Variants in FGGY observed in about 807,000 individuals in gnomAD.
FGGY encodes the protein FGGY carbohydrate kinase domain containing, also known as FGGY carbohydrate kinase domain-containing protein.
In FGGY, 72 loss-of-function variants were observed where a neutral mutation model predicts 71.3. The observed-to-expected ratio is 1.01, with a 90% CI of 0.84 to 1.23. The LOEUF is 1.23. Among genes scored for constraint, FGGY ranks in the 50% most tolerant of loss-of-function variants. FGGY has a pLI of 0.00. For synonymous variants in FGGY, 251 were observed against 250.3 expected, an observed-to-expected ratio of 1.00 and a Z score of -0.02; for missense variants, 668 against 682.3, an observed-to-expected ratio of 0.98 and a Z score of 0.23.
intron 6 of FGGY, among the ~76,000 whole-genome samples, chr1:59,500,916 G>C (rs1019989175): frequency 5.3e-5 from 8 of 152,164 alleles, no homozygotes; most frequent in Admixed American, 4.6e-4. Context: ...ATGCAAGTAA[G>C]ACATCTGGTT....
intron 5 of FGGY, 106 bp from the exon 6 acceptor site, chr1:59,456,855 C>T: frequency 4.4e-6 from 3 of 683,264 alleles, no homozygotes; most frequent in Non-Finnish European, 7.7e-6. Context: ...CTGGCTTATT[C>T]CACTTCTTTA....
At chr1:59,722,137 G>A (rs1480259603) in intron 14 of FGGY, among the ~76,000 whole-genome samples, 2 of 150,676 alleles carry the variant, frequency 1.3e-5, no homozygotes, top group Admixed American at 6.6e-5. Context: ...CAGATACTTT[G>A]TAGTATGTCC....
At chr1:59,446,865 C>A (rs79231824) in intron 5 of FGGY, among the ~76,000 whole-genome samples, 9,836 of 152,210 alleles carry the variant, frequency 0.065, 450 homozygotes, top group Admixed American at 0.09. Context: ...CAGTGAGCTG[C>A]GTATAAATAA....
intron 14 of FGGY, among the ~76,000 whole-genome samples, chr1:59,738,791 G>A (rs11207511): frequency 0.3 from 45,896 of 152,068 alleles, 8,031 homozygotes; most frequent in South Asian, 0.44. Context: ...ATTAGGTATT[G>A]GCCAAATTTT....
intron 5 of FGGY, among the ~76,000 whole-genome samples, chr1:59,443,396 G>A (rs2070431023): frequency 6.6e-6 from 1 of 152,122 alleles, no homozygotes; most frequent in Admixed American, 6.5e-5. Context: ...TTAAGGCAGA[G>A]CAGCCTTGGA....
At chr1:59,650,202 T>G (rs1272380994) in intron 11 of FGGY, among the ~76,000 whole-genome samples, 1 of 147,624 alleles carries the variant, frequency 6.8e-6, no homozygotes, top group African/African-American at 2.7e-5. Flanking sequence ...GATATTGGTC[T>G]AAAATTCTCT....
At chr1:59,493,145 G>A (rs1458340035) in intron 6 of FGGY, among the ~76,000 whole-genome samples, 1 of 109,466 alleles carries the variant, frequency 9.1e-6, no homozygotes, top group Non-Finnish European at 2.1e-5. Flanking sequence ...CAGAAAGTAA[G>A]TGTTGGTGAA....
chr1:59,718,440 C>CCAGTTCCTAACCTCTGTTTCTTG (rs1553426780), intron 14 of FGGY, among the ~76,000 whole-genome samples: 1 of 152,182 alleles, frequency 6.6e-6, no homozygotes, highest in Non-Finnish European at 1.5e-5. Context: ...GAGCCACCAA[C>CCAGTTCCTAACCTCTGTTTCTTG]CAGTTCCTAA....
intron 14 of FGGY, among the ~76,000 whole-genome samples, chr1:59,726,396 T>A (rs960834754): frequency 6.6e-6 from 1 of 152,140 alleles, no homozygotes; most frequent in Non-Finnish European, 1.5e-5. Flanking sequence ...TTTCTTTTTT[T>A]AATGTCTTTG....
At chr1:59,531,629 A>C (rs1215639384) in intron 7 of FGGY, among the ~76,000 whole-genome samples, 2 of 152,156 alleles carry the variant, frequency 1.3e-5, no homozygotes. Flanking sequence ...TTTATAATAC[A>C]CTATGAGCAT....
At chr1:59,615,591 G>C (rs994336176) in intron 9 of FGGY, among the ~76,000 whole-genome samples, 10 of 152,134 alleles carry the variant, frequency 6.6e-5, no homozygotes, top group Non-Finnish European at 1.3e-4. Flanking sequence ...CATGGGCAAG[G>C]ACTTCATGAC....
intron 7 of FGGY, among the ~76,000 whole-genome samples, chr1:59,522,050 C>T (rs1322534335): frequency 1.3e-5 from 2 of 152,216 alleles, no homozygotes; most frequent in South Asian, 2.1e-4. Context: ...ACCTACCAAT[C>T]GTTGAATACC....
intron 11 of FGGY, among the ~76,000 whole-genome samples, chr1:59,658,046 C>G (rs889251346): frequency 2.6e-5 from 4 of 152,184 alleles, no homozygotes. Context: ...TGAATTGTCA[C>G]TGGTTCATAG....
intron 5 of FGGY, among the ~76,000 whole-genome samples, chr1:59,381,868 TAG>T (rs2059501320): frequency 6.6e-6 from 1 of 152,186 alleles, no homozygotes; most frequent in South Asian, 2.1e-4. Context: ...TGCTACACAA[TAG>T]AGACTTGTAT....
chr1:59,494,087 T>G (rs1205582230), intron 6 of FGGY, among the ~76,000 whole-genome samples: 1 of 152,198 alleles, frequency 6.6e-6, no homozygotes, highest in Non-Finnish European at 1.5e-5. Flanking sequence ...TTCGATTCAT[T>G]CTTTCATTAG....
chr1:59,569,463 G>A (rs2095941233), intron 8 of FGGY, among the ~76,000 whole-genome samples: 1 of 152,134 alleles, frequency 6.6e-6, no homozygotes, highest in Admixed American at 6.5e-5. Context: ...TGTTAACATG[G>A]TACCAGAAGT....
chr1:59,372,327 T>G (rs2057809443), intron 4 of FGGY, among the ~76,000 whole-genome samples: 1 of 152,206 alleles, frequency 6.6e-6, no homozygotes, highest in African/African-American at 2.4e-5. Flanking sequence ...GATAAATTAC[T>G]TGACACATAC....
chr1:59,396,799 C>T (rs992134662), intron 5 of FGGY, among the ~76,000 whole-genome samples: 1 of 152,140 alleles, frequency 6.6e-6, no homozygotes, highest in African/African-American at 2.4e-5. Flanking sequence ...TATGGAGATG[C>T]ATGATGAGCA....
At chr1:59,609,065 C>T (rs542367666) in intron 9 of FGGY, among the ~76,000 whole-genome samples, 1 of 152,134 alleles carries the variant, frequency 6.6e-6, no homozygotes, top group East Asian at 1.9e-4. Context: ...GGTGCTGAGC[C>T]TTAAAAGATA....
Sources: gnomAD v4.1 joint callset for allele counts (sites outside exome capture counted in the v4.1 genomes callset) on GRCh38, gnomAD v4.1.1 for gene constraint, MANE v1.5 for transcripts, NCBI Gene and HGNC (gene_info 2026-07-23, HGNC 2026-07-21) for gene names.